The following MAML3 variants were observed in gnomAD, a reference collection of about 807,000 sequenced individuals.
MAML3 encodes mastermind-like protein 3.
In MAML3, 27 loss-of-function variants were observed where a neutral mutation model predicts 101.9. That is an observed-to-expected ratio of 0.27 (90% confidence interval 0.20 to 0.37). The LOEUF (loss-of-function observed/expected upper bound fraction) is 0.37, where lower values mean the gene tolerates loss of function less well. Among genes scored for constraint, MAML3 ranks in the 10% least tolerant of loss-of-function variants. The pLI is 1.00. For synonymous variants in MAML3, 501 were observed against 555.9 expected (o/e 0.90, Z 1.39); for missense variants, 1,316 against 1,444.9 (o/e 0.91, Z 1.45).
intron 1 of MAML3, among the ~76,000 whole-genome samples, chr4:140,046,425 A>T (rs1727184277): frequency 6.6e-6 from 1 of 152,220 alleles, no homozygotes; most frequent in Non-Finnish European, 1.5e-5. Context: ...TTGTTACTAT[A>T]CCATCACCTA....
At chr4:139,855,186 G>A (rs570607134) in intron 2 of MAML3, among the ~76,000 whole-genome samples, 163 of 152,312 alleles carry the variant, frequency 1.1e-3, no homozygotes, top group Middle Eastern at 3.4e-3. Flanking sequence ...GGTGTTACAT[G>A]TTAAGCAATT....
chr4:139,947,559 A>G (rs945391694), intron 1 of MAML3, among the ~76,000 whole-genome samples: 9 of 152,206 alleles, frequency 5.9e-5, no homozygotes, highest in African/African-American at 1.9e-4. Flanking sequence ...GGGCAGCTCA[A>G]TCCACACCTT....
At chr4:139,981,263 A>T (rs1463046237) in intron 1 of MAML3, among the ~76,000 whole-genome samples, 2 of 152,170 alleles carry the variant, frequency 1.3e-5, no homozygotes, top group Non-Finnish European at 2.9e-5. Flanking sequence ...TCTTTTAAGG[A>T]CACCAGACAT....
intron 1 of MAML3, among the ~76,000 whole-genome samples, chr4:139,917,361 CA>C (rs1194036091): frequency 6.6e-6 from 1 of 152,128 alleles, no homozygotes; most frequent in Non-Finnish European, 1.5e-5. Flanking sequence ...TGATGCCATC[CA>C]ATAAGGTTGG....
intron 1 of MAML3, among the ~76,000 whole-genome samples, chr4:139,957,409 A>T (rs888153229): frequency 2.6e-5 from 4 of 152,198 alleles, no homozygotes; most frequent in Non-Finnish European, 5.9e-5. Flanking sequence ...GGCTGAAAAT[A>T]AGCATGAGTT....
chr4:139,964,545 G>T (rs1734089649), intron 1 of MAML3, among the ~76,000 whole-genome samples: 1 of 151,634 alleles, frequency 6.6e-6, no homozygotes, highest in Non-Finnish European at 1.5e-5. Flanking sequence ...TTGCACATGT[G>T]TCCCATTTAT....
chr4:139,776,628 C>T (rs376625975), intron 2 of MAML3, among the ~76,000 whole-genome samples: 2 of 152,146 alleles, frequency 1.3e-5, no homozygotes, highest in African/African-American at 4.8e-5. Context: ...TGGAAACACA[C>T]TCAAAGCAGA....
chr4:139,930,422 G>T (rs1485168618), intron 1 of MAML3, among the ~76,000 whole-genome samples: 1 of 152,118 alleles, frequency 6.6e-6, no homozygotes, highest in Non-Finnish European at 1.5e-5. Flanking sequence ...GAAGAGGAAC[G>T]GTCCCAGCCA....
chr4:140,069,698 G>C (rs944485145), intron 1 of MAML3, among the ~76,000 whole-genome samples: 18 of 151,770 alleles, frequency 1.2e-4, no homozygotes, highest in African/African-American at 2.4e-4. Flanking sequence ...GAAAGAAGAA[G>C]AAGAAGGAGG....
At position 140,068,235 on chromosome 4, in the gene MAML3, C is replaced by T. The variant is rs1268693494; in HGVS notation, c.468+84625G>A. On this transcript the variant is annotated intron_variant, in intron 1 of 4. Transcript: ENST00000509479. ...TTTTGGTGCCATGTTTTGCAACTGCCGCAGTGGCTTTATTAATCTTTGCAT... is the reference window on the plus strand; with the variant it reads ...TTTTGGTGCCATGTTTTGCAACTGCTGCAGTGGCTTTATTAATCTTTGCAT... 8.5e-5 allele frequency among the ~76,000 whole-genome samples: 13 copies of T among 152,220 alleles called. No individual in the cohort carries two copies. In the East Asian group the frequency reaches 1.5e-3, roughly 18 times the overall value.
At chr4:140,006,948 T>G (rs1726463884) in intron 1 of MAML3, among the ~76,000 whole-genome samples, 1 of 152,184 alleles carries the variant, frequency 6.6e-6, no homozygotes, top group African/African-American at 2.4e-5. Flanking sequence ...AATATAAACT[T>G]GGTTATGTTT....
At position 140,025,053 on chromosome 4, in the gene MAML3, G is replaced by A. The variant is rs148394604; in HGVS notation, c.468+127807C>T. Among the ~76,000 whole-genome samples, 1,032 of 152,262 alleles carry A rather than the reference G, an allele frequency of 6.8e-3. 13 individuals carry two copies. Among genetic ancestry groups the A allele is most frequent in the African/African-American group, 0.023 (975 of 41,534 alleles). On this transcript the variant is annotated intron_variant, in intron 1 of 4. Transcript: ENST00000509479. Reference sequence around the variant, plus strand: ...AACATGTTCCCTAATGTGTTAATGGGGGAGAGTGAGGAAGCAGAGACAGAT... The same window carrying A: ...AACATGTTCCCTAATGTGTTAATGGAGGAGAGTGAGGAAGCAGAGACAGAT...
intron 4 of MAML3, among the ~76,000 whole-genome samples, chr4:139,723,616 T>A (rs980235958): frequency 3.3e-5 from 5 of 152,154 alleles, no homozygotes; most frequent in Non-Finnish European, 7.4e-5. Flanking sequence ...CTGCCTGGAA[T>A]AGAAGTTTTT....
chr4:139,918,076 T>C (rs1733058932), intron 1 of MAML3, among the ~76,000 whole-genome samples: 1 of 152,154 alleles, frequency 6.6e-6, no homozygotes, highest in Non-Finnish European at 1.5e-5. Context: ...ACCTTCCATC[T>C]GTCACCTTTT....
intron 1 of MAML3, among the ~76,000 whole-genome samples, chr4:140,037,323 T>C (rs17315453): frequency 0.11 from 17,212 of 152,084 alleles, 1,079 homozygotes; most frequent in African/African-American, 0.14. Flanking sequence ...GGTTAGGTTT[T>C]AACACGAATC....
Position 139,999,283 on chromosome 4 carries a change from G to A in MAML3, c.469-108316C>T, listed in dbSNP as rs544995307. On this transcript the variant is annotated intron_variant, in intron 1 of 4. Transcript: ENST00000509479. ...GACAATGCCACTAGTCATGAGCACT[G>A]TCCACCATCCAAATTGAATGGGCCT... Among the ~76,000 whole-genome samples, 45 of 152,244 alleles carry A rather than the reference G, an allele frequency of 3.0e-4. No individual in the cohort carries two copies. The South Asian group carries it at 8.9e-3, about 30-fold the overall frequency.
chr4:139,880,391 T>C (rs1243686668), intron 2 of MAML3, among the ~76,000 whole-genome samples: 1 of 152,018 alleles, frequency 6.6e-6, no homozygotes, highest in Non-Finnish European at 1.5e-5. Context: ...GGGGCCCTTC[T>C]GCTTGCTGGT....
Position 139,890,663 on chromosome 4 carries a change from C to G in MAML3, c.773G>C (p.Gly258Ala). The G allele has an allele frequency of 1.2e-6, 2 of 1,613,964 alleles. No homozygotes were observed. The highest frequency in any genetic ancestry group is 1.7e-6 in the Non-Finnish European group (2 of 1,179,856). Residue 258 changes from glycine to alanine, a missense_variant, in exon 2 of 5, where the codon GGT becomes GCT. Gly to Ala is a moderately conservative substitution (Grantham distance 60). Transcript: ENST00000509479. The surrounding 1 kb of genome is among the most constrained non-coding windows in gnomAD (Gnocchi z 4.1). Reference sequence around the variant, plus strand: ...GAAGCTATCCTCCAGGTCACTGCAACCGTTGACAGGAAGTTTAATCTCAGG... The same window carrying G: ...GAAGCTATCCTCCAGGTCACTGCAAGCGTTGACAGGAAGTTTAATCTCAGG... The part of the protein sequence containing the change: ...RLPEIKLPVN[G>A]CSDLEDSFTI...
At chr4:139,994,786 G>GTGTGTGTGTGTGTGTGT (rs1553968047) in intron 1 of MAML3, among the ~76,000 whole-genome samples, 9 of 150,118 alleles carry the variant, frequency 6.0e-5, no homozygotes, top group African/African-American at 1.7e-4. Flanking sequence ...GCTGGTGGGG[G>GTGTGTGTGTGTGTGTGT]GTGTGTGTGT....
Sources: allele counts gnomAD v4.1 joint callset (sites outside exome capture counted in the v4.1 genomes callset), GRCh38; gene constraint gnomAD v4.1.1; non-coding constraint Gnocchi (gnomAD v3.1); transcripts MANE v1.5; gene names NCBI Gene and HGNC (gene_info 2026-07-23, HGNC 2026-07-21).